The following RTN4IP1 variants were observed in gnomAD, a reference collection of about 807,000 sequenced individuals.
RTN4IP1 encodes the protein NAD(P)H oxidoreductase RTN4IP1, mitochondrial.
In RTN4IP1, 32 loss-of-function variants were observed where a neutral mutation model predicts 46.6. The ratio of observed to expected loss-of-function variants is 0.69; its 90% confidence interval spans 0.52 to 0.92. The LOEUF (loss-of-function observed/expected upper bound fraction) is 0.92, where lower values mean the gene tolerates loss of function less well. Among genes scored for constraint, RTN4IP1 ranks in the 40% least tolerant of loss-of-function variants. RTN4IP1 has a pLI of 0.00. For missense variants in RTN4IP1, 424 were observed against 485.8 expected (o/e 0.87, Z 1.20); for synonymous variants, 167 against 161.8 (o/e 1.03, Z -0.24).
At chr6:106,611,131 C>T (rs1347002837) in intron 4 of RTN4IP1, among the ~76,000 whole-genome samples, 2 of 151,974 alleles carry the variant, frequency 1.3e-5, no homozygotes, top group Non-Finnish European at 2.9e-5. Flanking sequence ...TTTCTATATT[C>T]TGACTTGATC....
At chr6:106,606,090 TAAAC>T (rs1776065960) in intron 4 of RTN4IP1, among the ~76,000 whole-genome samples, 1 of 152,066 alleles carries the variant, frequency 6.6e-6, no homozygotes, top group Admixed American at 6.6e-5. Context: ...TTAGAATTGA[TAAAC>T]AAACTCATTA....
chr6:106,630,394 A>G (rs1776797471), upstream of RTN4IP1, among the ~76,000 whole-genome samples: 1 of 152,206 alleles, frequency 6.6e-6, no homozygotes, highest in African/African-American at 2.4e-5. Context: ...TTAATGGCAC[A>G]ACTATTATCT....
chr6:106,625,750 G>A (rs552234703), intron 1 of RTN4IP1, among the ~76,000 whole-genome samples: 40 of 137,924 alleles, frequency 2.9e-4, no homozygotes, highest in African/African-American at 8.9e-4. Flanking sequence ...TGCAACTTCC[G>A]CCTCCCGGGT....
chr6:106,621,544 AC>A (rs761469928), intron 2 of RTN4IP1, 51 bp from the exon 3 acceptor site: 2 of 1,532,476 alleles, frequency 1.3e-6, no homozygotes, highest in Non-Finnish European at 9.0e-7. Flanking sequence ...ATATTTTTTG[AC>A]CGAAGCTAAG....
chr6:106,571,102 G>A lies in RTN4IP1; in HGVS notation c.*894C>T, dbSNP rs758542539. The A allele has an allele frequency of 2.6e-5, 4 of 152,184 alleles. No homozygotes were observed. In the South Asian group the frequency reaches 8.3e-4, roughly 32 times the overall value. The allele number at this position is 152,184 out of a possible 1,614,324, so 9.4% of individuals were successfully genotyped here. A position where few individuals can be genotyped will look rare whatever the true frequency, so the allele number is the denominator to read the frequency against. On this transcript the variant is annotated 3_prime_UTR_variant, in exon 9 of 9. Coordinates refer to ENST00000369063, the MANE Select transcript of RTN4IP1 (RefSeq NM_032730.5). Reference sequence around the variant, plus strand: ...CATGGAAAAGCCCTCAGAGAAGCATGTTTCAATTGCCGAAACAGGCCTAAT... The same window carrying A: ...CATGGAAAAGCCCTCAGAGAAGCATATTTCAATTGCCGAAACAGGCCTAAT...
rs764607939 is a variant in RTN4IP1 at position 106,619,177 on chromosome 6, T to C, written c.620+25A>G. The C allele has an allele frequency of 1.9e-6, 3 of 1,612,648 alleles. No homozygotes were observed. The African/African-American group carries it at 4.0e-5, about 22-fold the overall frequency. The stretch of plus-strand genomic sequence containing the variant: ...CAGAAGGAAAGAAAAGAGGTTTAGA[T>C]GCTGCCACTGACTGATACACTTACC... On this transcript the variant is annotated intron_variant, in intron 4 of 8. Transcript: ENST00000369063.
intron 6 of RTN4IP1, among the ~76,000 whole-genome samples, chr6:106,588,553 A>G (rs1775541412): frequency 6.6e-6 from 1 of 152,220 alleles, no homozygotes; most frequent in Non-Finnish European, 1.5e-5. Context: ...ACAGAAACTG[A>G]CAGATATTCA....
chr6:106,602,226 C>G (rs77555632), intron 5 of RTN4IP1, among the ~76,000 whole-genome samples: 1 of 152,118 alleles, frequency 6.6e-6, no homozygotes, highest in African/African-American at 2.4e-5. Flanking sequence ...TATTTGGGGT[C>G]CCCTGTGATT....
chr6:106,577,447 CAAA>C (rs58921891), intron 8 of RTN4IP1, among the ~76,000 whole-genome samples: 3 of 55,414 alleles, frequency 5.4e-5, no homozygotes, highest in African/African-American at 2.4e-4. Context: ...GACCCTGTCT[CAAA>C]AAAAAAAAAA....
Position 106,583,339 on chromosome 6 carries a change from C to T in RTN4IP1, c.1072G>A (p.Asp358Asn). 1 of 1,613,404 alleles carries T rather than the reference C, an allele frequency of 6.2e-7. No homozygotes were observed. The highest frequency in any genetic ancestry group is 1.1e-5 in the South Asian group (1 of 90,988). The change falls in exon 8 of 9, where the codon GAT becomes AAT. Residue 358 changes from aspartate to asparagine, a missense_variant. Transcript: ENST00000369063. Reference sequence around the variant, plus strand: ...CCAGGTGCACGTACCTTTCCCGCATCCACCAGTTCTGCAATGTCATCTAAA... The same window carrying T: ...CCAGGTGCACGTACCTTTCCCGCATTCACCAGTTCTGCAATGTCATCTAAA... ...PCLDDIAELVDAGKIRPVIEQ... is the reference protein window; with the variant it reads ...PCLDDIAELVNAGKIRPVIEQ...
At chr6:106,607,377 T>C (rs1258419601) in intron 4 of RTN4IP1, among the ~76,000 whole-genome samples, 4 of 151,700 alleles carry the variant, frequency 2.6e-5, no homozygotes, top group Admixed American at 1.3e-4. Flanking sequence ...CATTAATAAA[T>C]AGGACTATAT....
Position 106,583,240 on chromosome 6 carries a change from T to C in RTN4IP1, c.1083+88A>G, listed in dbSNP as rs990157162. 9.2e-6 allele frequency: 9 copies of C among 982,638 alleles called. No homozygotes were observed. In the African/African-American group the frequency reaches 1.5e-4, roughly 16 times the overall value. The allele number at this position is 982,638 out of a possible 1,614,324, so 60.9% of individuals were successfully genotyped here. A position where few individuals can be genotyped will look rare whatever the true frequency, so the allele number is the denominator to read the frequency against. ...AGGTGAGCAGGCTACCTCTGTAGAGTCCCTACTAACGAGGCTCAGTGGGCA... is the reference window on the plus strand; with the variant it reads ...AGGTGAGCAGGCTACCTCTGTAGAGCCCCTACTAACGAGGCTCAGTGGGCA... On this transcript the variant is annotated intron_variant, in intron 8 of 8. Coordinates refer to ENST00000369063, the MANE Select transcript of RTN4IP1 (RefSeq NM_032730.5).
At chr6:106,581,238 C>A (rs776859893) in intron 8 of RTN4IP1, among the ~76,000 whole-genome samples, 1 of 151,988 alleles carries the variant, frequency 6.6e-6, no homozygotes, top group African/African-American at 2.4e-5. Flanking sequence ...TTTCAAAGTT[C>A]AAGTATTTTA....
rs146382251 is a variant in RTN4IP1, at chr6:106,619,124, C to A, written c.620+78G>T. The A allele has an allele frequency of 3.1e-4, 465 of 1,507,910 alleles. 3 individuals are homozygous for A. The African/African-American group carries it at 5.8e-3, about 19-fold the overall frequency. The allele number at this position is 1,507,910 out of a possible 1,614,324, so 93.4% of individuals were successfully genotyped here. ...GTGTAAATGATACTAAATTTCAAAGCTCTGACAAATCTACTGCAAGGAACT... is the reference window on the plus strand; with the variant it reads ...GTGTAAATGATACTAAATTTCAAAGATCTGACAAATCTACTGCAAGGAACT... On this transcript the variant is annotated intron_variant, in intron 4 of 8. Transcript: ENST00000369063.
intron 7 of RTN4IP1, among the ~76,000 whole-genome samples, chr6:106,586,890 C>T (rs1246689934): frequency 6.6e-6 from 1 of 152,192 alleles, no homozygotes; most frequent in Non-Finnish European, 1.5e-5. Flanking sequence ...AGGCCCGCCA[C>T]TCACCGATGT....
At chr6:106,610,915 T>C (rs1039007022) in intron 4 of RTN4IP1, among the ~76,000 whole-genome samples, 3 of 152,188 alleles carry the variant, frequency 2.0e-5, no homozygotes, top group Admixed American at 2.0e-4. Context: ...ATTAAGGCAC[T>C]GAAGCAATGT....
intron 1 of RTN4IP1, among the ~76,000 whole-genome samples, chr6:106,628,198 A>G (rs1284966116): frequency 1.3e-5 from 2 of 152,030 alleles, no homozygotes; most frequent in Non-Finnish European, 2.9e-5. Flanking sequence ...GGCAGGGCGC[A>G]ATGGCTCGTC....
intron 8 of RTN4IP1, among the ~76,000 whole-genome samples, chr6:106,573,088 C>T (rs1308753187): frequency 2.0e-5 from 3 of 152,222 alleles, no homozygotes; most frequent in Non-Finnish European, 4.4e-5. Context: ...TCATTCCAGC[C>T]AGCTCATAAA....
intron 5 of RTN4IP1, among the ~76,000 whole-genome samples, chr6:106,600,557 C>T (rs1042679771): frequency 2.0e-5 from 3 of 151,988 alleles, no homozygotes; most frequent in Non-Finnish European, 2.9e-5. Flanking sequence ...ACACTCATTA[C>T]GTAGTCATTC....
Sources: allele counts gnomAD v4.1 joint callset (sites outside exome capture counted in the v4.1 genomes callset), GRCh38; gene constraint gnomAD v4.1.1; transcripts MANE v1.5; gene names NCBI Gene and HGNC (gene_info 2026-07-23, HGNC 2026-07-21).